Variants in ARL15 observed in about 807,000 individuals in gnomAD.
ARL15 encodes ADP-ribosylation factor-like protein 15.
A neutral mutation model predicts 25.2 loss-of-function variants in ARL15; 19 were observed. That is an observed-to-expected ratio of 0.75 (90% CI 0.53 to 1.10). The LOEUF is 1.10. Among genes scored for constraint, ARL15 ranks in the 50% least tolerant of loss-of-function variants. The pLI is 0.00. For synonymous variants in ARL15, 94 were observed against 86.8 expected, an observed-to-expected ratio of 1.08 and a Z score of -0.46; for missense variants, 220 against 246.0, an observed-to-expected ratio of 0.89 and a Z score of 0.71.
chr5:53,991,234 C>T (rs1401425686), intron 4 of ARL15, among the ~76,000 whole-genome samples: 1 of 152,072 alleles, frequency 6.6e-6, no homozygotes, highest in Non-Finnish European at 1.5e-5. Context: ...TGCTGTTGAA[C>T]AGCTGATATA....
chr5:54,009,803 A>C (rs1749172814), intron 4 of ARL15, among the ~76,000 whole-genome samples: 1 of 152,230 alleles, frequency 6.6e-6, no homozygotes, highest in African/African-American at 2.4e-5. Context: ...TGGAAATGGC[A>C]GGCAGGGAGA....
intron 4 of ARL15, among the ~76,000 whole-genome samples, chr5:54,044,231 CATT>C (rs1750434529): frequency 6.7e-6 from 1 of 149,872 alleles, no homozygotes; most frequent in South Asian, 2.1e-4. Context: ...AGAAACAGGC[CATT>C]ATTTAATTTT....
chr5:54,276,697 G>C (rs1370020006), intron 1 of ARL15, among the ~76,000 whole-genome samples: 1 of 152,106 alleles, frequency 6.6e-6, no homozygotes, highest in Admixed American at 6.5e-5. Flanking sequence ...ATGAGATGGG[G>C]AGATTCTTCT....
At chr5:54,280,171 G>A (rs1216055701) in intron 1 of ARL15, among the ~76,000 whole-genome samples, 2 of 152,172 alleles carry the variant, frequency 1.3e-5, no homozygotes, top group Non-Finnish European at 2.9e-5. Flanking sequence ...CTTCACAGAT[G>A]TCAGACCTAC....
chr5:54,020,095 A>C (rs563344378), intron 4 of ARL15, among the ~76,000 whole-genome samples: 1 of 152,364 alleles, frequency 6.6e-6, no homozygotes, highest in South Asian at 2.1e-4. Context: ...ATGAAGTATT[A>C]AAGTTACTTA....
intron 4 of ARL15, among the ~76,000 whole-genome samples, chr5:53,989,716 G>C (rs1187380339): frequency 6.6e-6 from 1 of 152,024 alleles, no homozygotes; most frequent in Admixed American, 6.6e-5. Context: ...TCTGTAGGAA[G>C]ACAGGTACAC....
intron 4 of ARL15, among the ~76,000 whole-genome samples, chr5:54,024,097 T>A (rs1749701026): frequency 6.6e-6 from 1 of 152,228 alleles, no homozygotes; most frequent in African/African-American, 2.4e-5. Flanking sequence ...TTGTATGCCT[T>A]TTCTCCTATT....
chr5:54,111,567 G>C (rs898481272), intron 4 of ARL15, among the ~76,000 whole-genome samples: 1 of 151,882 alleles, frequency 6.6e-6, no homozygotes, highest in Non-Finnish European at 1.5e-5. Context: ...AGATACACAG[G>C]TTCATAACTT....
chr5:53,980,324 C>A (rs187428177), intron 4 of ARL15, among the ~76,000 whole-genome samples: 2 of 152,238 alleles, frequency 1.3e-5, no homozygotes, highest in African/African-American at 2.4e-5. Flanking sequence ...TTTTTTGATT[C>A]TTTATGATTA....
intron 4 of ARL15, among the ~76,000 whole-genome samples, chr5:53,914,319 C>T (rs1343466341): frequency 6.6e-6 from 1 of 152,134 alleles, no homozygotes; most frequent in East Asian, 1.9e-4. Flanking sequence ...ATCCCTCTCA[C>T]TTCAACAACT....
At chr5:54,258,401 G>A (rs974452982) in intron 1 of ARL15, among the ~76,000 whole-genome samples, 1 of 152,074 alleles carries the variant, frequency 6.6e-6, no homozygotes, top group Admixed American at 6.5e-5. Context: ...CATTATTCAC[G>A]AGCTATGTCT....
At chr5:54,145,631 C>CGTGTGT (rs139835116) in intron 3 of ARL15, among the ~76,000 whole-genome samples, 1 of 151,138 alleles carries the variant, frequency 6.6e-6, no homozygotes, top group African/African-American at 2.4e-5. Flanking sequence ...TGTGTGCGTG[C>CGTGTGT]GTGTGTGTGT....
At chr5:54,283,750 A>G (rs761905795) in intron 1 of ARL15, among the ~76,000 whole-genome samples, 20 of 152,222 alleles carry the variant, frequency 1.3e-4, no homozygotes, top group Non-Finnish European at 5.9e-5. Flanking sequence ...ATCTTCCCCA[A>G]CTGAAAGATA....
chr5:54,238,037 T>A (rs1756857448), intron 1 of ARL15, among the ~76,000 whole-genome samples: 1 of 152,210 alleles, frequency 6.6e-6, no homozygotes, highest in Admixed American at 6.5e-5. Context: ...AATCTTTATA[T>A]TTTTAGGGGC....
chr5:53,914,299 GA>G (rs971983906), intron 4 of ARL15, among the ~76,000 whole-genome samples: 16 of 149,786 alleles, frequency 1.1e-4, no homozygotes, highest in African/African-American at 2.4e-4. Context: ...AAGCCTTAAG[GA>G]AAAAAAAAAT....
In ARL15 at chr5:53,905,953, T is replaced by C. The variant is rs572579501; in HGVS notation, c.463-19240A>G. Among the ~76,000 whole-genome samples, 3 of 152,338 alleles carry C rather than the reference T, an allele frequency of 2.0e-5. No homozygotes were observed. The East Asian group carries it at 5.8e-4, about 29-fold the overall frequency. The stretch of plus-strand genomic sequence containing the variant: ...TACGTCAGAGTCCTTGAAATAGGGT[T>C]TGTAAATTTTAGGTGCCTAGTCACA... On this transcript the variant is annotated intron_variant, in intron 4 of 4. Transcript: ENST00000504924.
intron 4 of ARL15, among the ~76,000 whole-genome samples, chr5:53,896,074 C>T (rs930146077): frequency 2.6e-5 from 4 of 152,100 alleles, no homozygotes; most frequent in African/African-American, 7.2e-5. Context: ...TGCTCTGTCA[C>T]CCAGGCTGGA....
Position 54,179,060 on chromosome 5 carries a change from AG to A in ARL15, c.49-7133del, listed in dbSNP as rs140285991. Among the ~76,000 whole-genome samples the A allele has an allele frequency of 7.2e-4, 110 of 152,358 alleles. No homozygotes were observed. In the East Asian group the frequency reaches 0.02, roughly 27 times the overall value. On this transcript the variant is annotated intron_variant, in intron 1 of 4. Transcript: ENST00000504924. Reference sequence around the variant, plus strand: ...TAAAGAGGAGGAAACTGAGGCTCAAAGAAGTTAAGTAACTTGCCTACGTGGA... The same window carrying A: ...TAAAGAGGAGGAAACTGAGGCTCAAAAAGTTAAGTAACTTGCCTACGTGGA...
chr5:53,931,173 A>ATAT (rs1343804226), intron 4 of ARL15, among the ~76,000 whole-genome samples: 2 of 152,198 alleles, frequency 1.3e-5, no homozygotes, highest in African/African-American at 4.8e-5. Flanking sequence ...AACAGCATAT[A>ATAT]TATTATTATG....
Sources: gnomAD v4.1 joint callset for allele counts (sites outside exome capture counted in the v4.1 genomes callset) on GRCh38, gnomAD v4.1.1 for gene constraint, MANE v1.5 for transcripts, NCBI Gene and HGNC (gene_info 2026-07-23, HGNC 2026-07-21) for gene names.